The following ANKS1B variants were observed in gnomAD, a reference collection of about 807,000 sequenced individuals.
ANKS1B encodes ankyrin repeat and sterile alpha motif domain containing 1B.
In ANKS1B, 36 loss-of-function variants were observed where a neutral mutation model predicts 148.3. The ratio of observed to expected loss-of-function variants is 0.24; its 90% CI spans 0.19 to 0.32. The LOEUF (loss-of-function observed/expected upper bound fraction) is 0.32. Ranked by LOEUF, ANKS1B falls within the 10% of genes least tolerant of loss-of-function variation. The pLI, the probability that ANKS1B is intolerant of heterozygous loss-of-function variation, is 1.00. For missense variants in ANKS1B, 1,157 were observed against 1,542.6 expected, an observed-to-expected ratio of 0.75 and a Z score of 4.19; for synonymous variants, 542 against 560.8, an observed-to-expected ratio of 0.97 and a Z score of 0.47.
chr12:99,839,390 CTTCA>C (rs2085346901), intron 1 of ANKS1B, among the ~76,000 whole-genome samples: 1 of 152,084 alleles, frequency 6.6e-6, no homozygotes, highest in South Asian at 2.1e-4. Flanking sequence ...AGGTACTTCA[CTTCA>C]TTAGACCTGA....
At position 99,510,181 on chromosome 12, in the gene ANKS1B, C is replaced by T. The variant is rs531785589; in HGVS notation, c.1273-5540G>A. Among the ~76,000 whole-genome samples the T allele has an allele frequency of 7.9e-5, 12 of 152,094 alleles. 1 individual carries two copies. In the East Asian group the frequency reaches 1.4e-3, roughly 17 times the overall value. On this transcript the variant is annotated intron_variant, in intron 9 of 26. Coordinates refer to ENST00000683438, the MANE Select transcript of ANKS1B (RefSeq NM_001352186.2). ...TGATAGAGCTGTACGAAGAGATTAA[C>T]GTTGTTTTCATGACTGTTAACACAG...
chr12:99,966,062 G>T (rs1382705307), intron 1 of ANKS1B, among the ~76,000 whole-genome samples: 1 of 152,178 alleles, frequency 6.6e-6, no homozygotes, highest in African/African-American at 2.4e-5. Context: ...GAAAGACTGA[G>T]AAATTATTCA....
intron 9 of ANKS1B, among the ~76,000 whole-genome samples, chr12:99,613,172 G>A (rs933834158): frequency 7.2e-5 from 11 of 152,156 alleles, no homozygotes; most frequent in Middle Eastern, 3.4e-3. Context: ...AGGCATTTTC[G>A]ACTATTATTC....
intron 17 of ANKS1B, among the ~76,000 whole-genome samples, chr12:98,849,897 T>C (rs2099512714): frequency 6.6e-6 from 1 of 152,250 alleles, no homozygotes; most frequent in African/African-American, 2.4e-5. Context: ...GCCTCATGGC[T>C]AATTTCTTGT....
intron 9 of ANKS1B, among the ~76,000 whole-genome samples, chr12:99,616,346 A>T (rs1598188842): frequency 6.6e-6 from 1 of 152,158 alleles, no homozygotes; most frequent in African/African-American, 2.4e-5. Flanking sequence ...AATCCTAAGC[A>T]AAAAGAACAA....
intron 17 of ANKS1B, among the ~76,000 whole-genome samples, chr12:99,040,485 G>A (rs2099958282): frequency 1.3e-5 from 2 of 152,166 alleles, no homozygotes; most frequent in Non-Finnish European, 2.9e-5. Context: ...GACTGCGGAT[G>A]TTCATTCTGT....
At chr12:98,882,811 C>T (rs892050479) in intron 17 of ANKS1B, among the ~76,000 whole-genome samples, 2 of 151,644 alleles carry the variant, frequency 1.3e-5, no homozygotes, top group Non-Finnish European at 2.9e-5. Context: ...TAAAACTCCA[C>T]ATTAAGATGT....
chr12:99,835,860 T>A (rs905001863), intron 1 of ANKS1B, among the ~76,000 whole-genome samples: 2 of 152,166 alleles, frequency 1.3e-5, no homozygotes, highest in African/African-American at 2.4e-5. Context: ...TGATCTGTGT[T>A]ACAAACCACC....
At chr12:99,889,349 G>A (rs1211643814) in intron 1 of ANKS1B, among the ~76,000 whole-genome samples, 2 of 152,110 alleles carry the variant, frequency 1.3e-5, no homozygotes, top group Non-Finnish European at 2.9e-5. Flanking sequence ...AGCTGACCTT[G>A]GGCTTTTATG....
At chr12:98,901,171 G>T (rs994167301) in intron 17 of ANKS1B, among the ~76,000 whole-genome samples, 1 of 152,214 alleles carries the variant, frequency 6.6e-6, no homozygotes, top group African/African-American at 2.4e-5. Context: ...ACGAGTGAAA[G>T]AAAGCTTGGG....
chr12:99,735,757 T>C (rs2059554891), intron 8 of ANKS1B, among the ~76,000 whole-genome samples: 1 of 146,408 alleles, frequency 6.8e-6, no homozygotes. Context: ...CCTAACTCAT[T>C]CTATGAGGCT....
chr12:98,926,922 A>T (rs906661587), intron 17 of ANKS1B, among the ~76,000 whole-genome samples: 6 of 152,104 alleles, frequency 3.9e-5, no homozygotes, highest in African/African-American at 1.4e-4. Flanking sequence ...TCCCAGACAG[A>T]TAAGAGAAAA....
intron 22 of ANKS1B, among the ~76,000 whole-genome samples, chr12:98,796,287 C>CT (rs1226934256): frequency 6.6e-6 from 1 of 152,126 alleles, no homozygotes; most frequent in South Asian, 2.1e-4. Context: ...CAGAAAACAT[C>CT]TTTTTTTCAA....
chr12:99,940,587 A>C (rs2153815703), intron 1 of ANKS1B, among the ~76,000 whole-genome samples: 1 of 152,272 alleles, frequency 6.6e-6, no homozygotes, highest in East Asian at 1.9e-4. Flanking sequence ...AGCCAAAAAA[A>C]ATGATACTTA....
At chr12:99,208,880 T>C (rs1456155229) in intron 14 of ANKS1B, among the ~76,000 whole-genome samples, 1 of 152,226 alleles carries the variant, frequency 6.6e-6, no homozygotes, top group Non-Finnish European at 1.5e-5. Flanking sequence ...TGGTAAAGTA[T>C]ACTTTTGTGA....
chr12:99,173,370 C>T (rs1315106043), intron 14 of ANKS1B, among the ~76,000 whole-genome samples: 2 of 152,090 alleles, frequency 1.3e-5, no homozygotes, highest in East Asian at 3.9e-4. Context: ...CTGGTTTCTG[C>T]TTCATTTTTC....
intron 17 of ANKS1B, among the ~76,000 whole-genome samples, chr12:98,942,295 A>G (rs1318578026): frequency 1.3e-5 from 2 of 152,204 alleles, no homozygotes; most frequent in East Asian, 3.9e-4. Flanking sequence ...GATATTTTGA[A>G]TTCTCTCTTA....
chr12:99,732,876 T>A (rs1290911456), intron 8 of ANKS1B, among the ~76,000 whole-genome samples: 2 of 152,190 alleles, frequency 1.3e-5, no homozygotes, highest in Non-Finnish European at 2.9e-5. Flanking sequence ...TGAAATTATG[T>A]TAGATATCAA....
chr12:99,140,613 T>C (rs1450441041), intron 15 of ANKS1B, among the ~76,000 whole-genome samples: 1 of 152,170 alleles, frequency 6.6e-6, no homozygotes, highest in Non-Finnish European at 1.5e-5. Flanking sequence ...CTAGGTATAC[T>C]GTCTCAATTT....
Sources: allele counts gnomAD v4.1 joint callset (sites outside exome capture counted in the v4.1 genomes callset), GRCh38; gene constraint gnomAD v4.1.1; transcripts MANE v1.5; gene names NCBI Gene and HGNC (gene_info 2026-07-23, HGNC 2026-07-21).